GABRB1: variants seen among roughly 807,000 people sequenced by gnomAD.
GABRB1 encodes gamma-aminobutyric acid type A receptor subunit beta1.
Under a neutral mutation model 51.6 loss-of-function variants are expected in GABRB1, and 17 were observed. The ratio of observed to expected loss-of-function variants is 0.33; its 90% CI spans 0.23 to 0.49. GABRB1 has a LOEUF of 0.49. Among genes scored for constraint, GABRB1 ranks in the 20% least tolerant of loss-of-function variants. The probability of loss-of-function intolerance (pLI) is 0.99; values close to 1 mark genes in which losing one functional copy is unlikely to be tolerated. For missense variants in GABRB1, 410 were observed against 600.6 expected (o/e 0.68, Z 3.32); for synonymous variants, 247 against 218.9 (o/e 1.13, Z -1.14).
At chr4:47,284,326 A>G (rs1366896071) in intron 4 of GABRB1, among the ~76,000 whole-genome samples, 1 of 152,152 alleles carries the variant, frequency 6.6e-6, no homozygotes, top group Non-Finnish European at 1.5e-5. Context: ...ATTGCCCATC[A>G]TGAGAGAAAC....
chr4:47,133,005 T>C (rs946803343), intron 3 of GABRB1, among the ~76,000 whole-genome samples: 6 of 152,238 alleles, frequency 3.9e-5, no homozygotes, highest in Non-Finnish European at 7.3e-5. Context: ...ACTGTCTCTT[T>C]TCTTTTTTTG....
At chr4:47,227,523 C>T (rs549399936) in intron 4 of GABRB1, among the ~76,000 whole-genome samples, 9 of 152,142 alleles carry the variant, frequency 5.9e-5, no homozygotes, top group Non-Finnish European at 1.2e-4. Flanking sequence ...ATCTGAACTG[C>T]GGTGAAGTTA....
Position 47,248,406 on chromosome 4 carries a change from T to A in GABRB1, c.462-71721T>A, listed in dbSNP as rs368610997. 9.1e-4 allele frequency among the ~76,000 whole-genome samples: 139 copies of A among 152,256 alleles called. 1 individual carries two copies. The highest frequency in any genetic ancestry group is 2.8e-3 in the African/African-American group (118 of 41,570). On this transcript the variant is annotated intron_variant, in intron 4 of 8. Transcript: ENST00000295454. ...GGTGGATTATCTTTTTGATATGTTATTGGATTCAGTTAGATAGTATTTTGT... is the reference window on the plus strand; with the variant it reads ...GGTGGATTATCTTTTTGATATGTTAATGGATTCAGTTAGATAGTATTTTGT...
At chr4:47,050,431 A>G (rs1000051540) in intron 3 of GABRB1, among the ~76,000 whole-genome samples, 2 of 151,932 alleles carry the variant, frequency 1.3e-5, no homozygotes, top group African/African-American at 4.8e-5. Flanking sequence ...GTATATACGT[A>G]TATATATATA....
intron 5 of GABRB1, among the ~76,000 whole-genome samples, chr4:47,399,668 C>T (rs1728312409): frequency 6.6e-6 from 1 of 152,116 alleles, no homozygotes; most frequent in Non-Finnish European, 1.5e-5. Context: ...GATGATATGT[C>T]CTCTGAATCT....
intron 4 of GABRB1, among the ~76,000 whole-genome samples, chr4:47,305,937 C>T (rs1352772421): frequency 6.6e-6 from 1 of 151,850 alleles, no homozygotes; most frequent in Non-Finnish European, 1.5e-5. Context: ...TTTTAAATAT[C>T]AGAAAGGTAA....
intron 3 of GABRB1, among the ~76,000 whole-genome samples, chr4:47,084,342 C>T (rs1171387138): frequency 6.6e-6 from 1 of 152,170 alleles, no homozygotes; most frequent in Non-Finnish European, 1.5e-5. Context: ...AACTTATCAC[C>T]ACAGAATGGG....
intron 3 of GABRB1, among the ~76,000 whole-genome samples, chr4:47,083,436 A>C (rs1355155252): frequency 6.6e-6 from 1 of 152,148 alleles, no homozygotes; most frequent in African/African-American, 2.4e-5. Context: ...ACAGATTTTC[A>C]TGTCCAATTT....
At chr4:47,138,247 AT>A (rs1305006549) in intron 3 of GABRB1, among the ~76,000 whole-genome samples, 1 of 152,068 alleles carries the variant, frequency 6.6e-6, no homozygotes, top group Non-Finnish European at 1.5e-5. Context: ...GAGTATGTTT[AT>A]TAACCTGAAA....
intron 3 of GABRB1, among the ~76,000 whole-genome samples, chr4:47,041,031 G>C (rs973205662): frequency 3.3e-5 from 5 of 152,144 alleles, no homozygotes; most frequent in African/African-American, 1.2e-4. Context: ...TCGCTAAAGT[G>C]ATTCAGAGTC....
chr4:47,013,496 G>A (rs1249633239), intron 1 of GABRB1, among the ~76,000 whole-genome samples: 1 of 152,118 alleles, frequency 6.6e-6, no homozygotes, highest in African/African-American at 2.4e-5. Flanking sequence ...ATGTTTCTTG[G>A]TTTAAAGGAG....
At chr4:47,355,833 T>C (rs956412) in intron 5 of GABRB1, among the ~76,000 whole-genome samples, 62,424 of 151,994 alleles carry the variant, frequency 0.41, 13,367 homozygotes, top group Middle Eastern at 0.47. Context: ...GGACTTTTCC[T>C]GAGAGGCTGT....
At chr4:47,345,272 A>G (rs7665508) in intron 5 of GABRB1, among the ~76,000 whole-genome samples, 57,626 of 152,024 alleles carry the variant, frequency 0.38, 11,012 homozygotes, top group Middle Eastern at 0.47. Context: ...AGATGACAAC[A>G]GAGAGCAAAA....
intron 4 of GABRB1, among the ~76,000 whole-genome samples, chr4:47,312,036 CTTGTGTGT>C (rs1724705498): frequency 1.9e-5 from 1 of 51,876 alleles, no homozygotes; most frequent in South Asian, 8.3e-4. Context: ...TTACCCAAGG[CTTGTGTGT>C]GTGTGTGTGT....
intron 4 of GABRB1, among the ~76,000 whole-genome samples, chr4:47,212,161 G>A (rs1720383143): frequency 6.6e-6 from 1 of 152,104 alleles, no homozygotes; most frequent in Admixed American, 6.5e-5. Flanking sequence ...TTAATATAAA[G>A]CAACACAGCC....
chr4:47,075,035 A>G (rs1727490912), intron 3 of GABRB1, among the ~76,000 whole-genome samples: 1 of 152,174 alleles, frequency 6.6e-6, no homozygotes, highest in Non-Finnish European at 1.5e-5. Flanking sequence ...AATGGCTCCC[A>G]TGAGGATTTT....
intron 4 of GABRB1, among the ~76,000 whole-genome samples, chr4:47,188,094 A>G (rs538707633): frequency 6.6e-6 from 1 of 152,106 alleles, no homozygotes; most frequent in South Asian, 2.1e-4. Flanking sequence ...GAGTACATAA[A>G]ATTTGTTGTG....
At chr4:47,134,716 T>C (rs1178650832) in intron 3 of GABRB1, among the ~76,000 whole-genome samples, 1 of 152,142 alleles carries the variant, frequency 6.6e-6, no homozygotes, top group Non-Finnish European at 1.5e-5. Flanking sequence ...AATAATTCCG[T>C]TTTCTAAATG....
intron 3 of GABRB1, among the ~76,000 whole-genome samples, chr4:47,132,301 C>T (rs556129151): frequency 1.3e-5 from 2 of 152,102 alleles, no homozygotes; most frequent in Admixed American, 6.5e-5. Flanking sequence ...CAAATATTCT[C>T]ATCTTAGAAT....
Sources: allele counts gnomAD v4.1 joint callset (sites outside exome capture counted in the v4.1 genomes callset), GRCh38; gene constraint gnomAD v4.1.1; transcripts MANE v1.5; gene names NCBI Gene and HGNC (gene_info 2026-07-23, HGNC 2026-07-21).